Variants in CPZ observed in about 807,000 individuals in gnomAD.
CPZ encodes the protein VEZT/CPZ fusion.
Under a neutral mutation model 61.8 loss-of-function variants are expected in CPZ, and 103 were observed. That is an observed-to-expected ratio of 1.67 (90% CI 1.42 to 1.96). CPZ has a LOEUF of 1.96. Ranked by LOEUF, CPZ falls within the 30% of genes most tolerant of loss-of-function variation. The pLI, the probability that CPZ is intolerant of heterozygous loss-of-function variation, is 0.00. For synonymous variants in CPZ, 551 were observed against 373.7 expected, an observed-to-expected ratio of 1.47 and a Z score of -5.47; for missense variants, 1,461 against 914.9, an observed-to-expected ratio of 1.60 and a Z score of -7.70.
In CPZ at chr4:8,601,011, G is replaced by T; in HGVS notation, c.122-112G>T. ...CTGGTCCTCCCCTGCCAGACCGTGG[G>T]TGCCCCTCCCTGCAGGCCCTGGCCC... On this transcript the variant is annotated intron_variant, in intron 2 of 10. Transcript: ENST00000360986. The T allele has an allele frequency of 2.1e-6, 3 of 1,434,108 alleles. No individual in the cohort carries two copies. In the South Asian group the frequency reaches 4.7e-5, roughly 22 times the overall value. 88.8% of individuals were successfully genotyped at this position (1,434,108 alleles called of 1,614,324 possible).
Position 8,617,206 on chromosome 4 carries a change from G to A in CPZ, c.1504-1223G>A, listed in dbSNP as rs554911128. ...GCCGCGGTGGGATTAGAGTTCACAT[G>A]CTTGCTGAAATCATCGGTCCTGCAG... On this transcript the variant is annotated intron_variant, in intron 9 of 10. Coordinates refer to ENST00000360986, the MANE Select transcript of CPZ (RefSeq NM_001014447.3). Among the ~76,000 whole-genome samples, 28 of 152,352 alleles carry A rather than the reference G, an allele frequency of 1.8e-4. No homozygotes were observed. The East Asian group carries it at 5.2e-3, about 28-fold the overall frequency.
intron 7 of CPZ, among the ~76,000 whole-genome samples, chr4:8,609,109 TCCTCACTC>T (rs796194782): frequency 0.23 from 8,269 of 36,532 alleles, 838 homozygotes; most frequent in African/African-American, 0.41. Flanking sequence ...CTCACTCCCT[TCCTCACTC>T]CCTCACTCAT....
chr4:8,594,844 C>T (rs1277495765), intron 1 of CPZ, among the ~76,000 whole-genome samples: 1 of 151,460 alleles, frequency 6.6e-6, no homozygotes, highest in African/African-American at 2.4e-5. Context: ...GCAATCTCAG[C>T]TCACTGCGAG....
intron 9 of CPZ, among the ~76,000 whole-genome samples, chr4:8,617,049 C>A (rs534328486): frequency 1.3e-5 from 2 of 152,318 alleles, no homozygotes; most frequent in East Asian, 1.9e-4. Context: ...GTGCCCACTC[C>A]CCTCTTTCAG....
At chr4:8,607,501 C>G (rs1315522127) in intron 7 of CPZ, 76 bp downstream of exon 7, 5 of 1,523,012 alleles carry the variant, frequency 3.3e-6, no homozygotes, top group Non-Finnish European at 1.8e-6. Context: ...CCCCTCCAGT[C>G]CTGAGCTCAG....
In CPZ at chr4:8,604,172, C is replaced by T. The variant is rs760566271; in HGVS notation, c.693C>T (p.Pro231=). The T allele has an allele frequency of 1.1e-5, 17 of 1,560,772 alleles. No individual in the cohort carries two copies. In the East Asian group the frequency reaches 1.2e-4, roughly 11 times the overall value. Residue 231 remains proline, a synonymous_variant, in exon 4 of 11, where the codon CCC becomes CCT. Coordinates refer to ENST00000360986, the MANE Select transcript of CPZ (RefSeq NM_001014447.3). ...TGGTCATCGAGTTCTCCAGCCGCCCCGGCCAGCACGAGCTGAGTGAGTGCC... is the reference window on the plus strand; with the variant it reads ...TGGTCATCGAGTTCTCCAGCCGCCCTGGCCAGCACGAGCTGAGTGAGTGCC... ...ELLVIEFSSR[P]GQHELMEPEV...
chr4:8,615,318 C>G (rs1267649235), intron 9 of CPZ, among the ~76,000 whole-genome samples: 1 of 152,162 alleles, frequency 6.6e-6, no homozygotes, highest in East Asian at 1.9e-4. Flanking sequence ...ATGTCTGCTC[C>G]CCTTCCAGCA....
chr4:8,607,425 G>A lies in CPZ; in HGVS notation c.1227G>A (p.Lys409=), dbSNP rs200568136. The part of the protein sequence containing the change: ...EKMFSPTPDE[K]MFKLLSRAYA... ...TGTTTTCTCCCACGCCCGACGAGAA[G>A]GTGAGAGGGCTGTCGGGTGTGTGCA... The change falls in exon 7 of 11, where the codon AAG becomes AAA. Residue 409 remains lysine, a splice_region_variant and synonymous_variant. Coordinates refer to ENST00000360986, the MANE Select transcript of CPZ (RefSeq NM_001014447.3). 9.9e-6 allele frequency: 16 copies of A among 1,613,858 alleles called. No homozygotes were observed. The highest frequency in any genetic ancestry group is 3.4e-6 in the Non-Finnish European group (4 of 1,179,892).
At chr4:8,607,889 G>C (rs1212340361) in intron 7 of CPZ, among the ~76,000 whole-genome samples, 1 of 152,310 alleles carries the variant, frequency 6.6e-6, no homozygotes, top group Admixed American at 6.5e-5. Flanking sequence ...CTCCGGATGG[G>C]GAAGGAGTTC....
chr4:8,605,930 A>C, intron 4 of CPZ, 59 bp from the exon 5 acceptor site: 1 of 1,554,994 alleles, frequency 6.4e-7, no homozygotes, highest in East Asian at 2.3e-5. Context: ...GGGGGGCCTC[A>C]TGCCTTTGGG....
At chr4:8,598,004 C>A (rs1326939697) in intron 1 of CPZ, among the ~76,000 whole-genome samples, 1 of 152,188 alleles carries the variant, frequency 6.6e-6, no homozygotes, top group Non-Finnish European at 1.5e-5. Context: ...AGTCCATGTT[C>A]CCTGCCAGCT....
intron 9 of CPZ, among the ~76,000 whole-genome samples, chr4:8,615,957 C>T (rs577436090): frequency 9.3e-4 from 142 of 152,336 alleles, no homozygotes; most frequent in African/African-American, 2.6e-3. Flanking sequence ...CCACCTGTGG[C>T]GAGTCCCATT....
chr4:8,618,764 T>C (rs568756876), intron 10 of CPZ, among the ~76,000 whole-genome samples: 2 of 152,332 alleles, frequency 1.3e-5, no homozygotes, highest in African/African-American at 4.8e-5. Flanking sequence ...GGTGGATGCA[T>C]GCTCTGTATT....
chr4:8,593,560 G>C (rs1035371663), intron 1 of CPZ, among the ~76,000 whole-genome samples: 2 of 152,202 alleles, frequency 1.3e-5, no homozygotes, highest in Admixed American at 1.3e-4. Flanking sequence ...CTGGGCTCCC[G>C]TCTGGCCTCA....
Position 8,606,735 on chromosome 4 carries a change from A to G in CPZ, c.907-2A>G, listed in dbSNP as rs758119665. The G allele has an allele frequency of 1.4e-5, 23 of 1,614,000 alleles. No homozygotes were observed. The Admixed American group carries it at 3.0e-4, about 21-fold the overall frequency. ...CCAGTCGGGGGTTGGCCATGTTTTC[A>G]GGGTGCCGGCTACAACGGGTGGACG... On this transcript the variant is annotated splice_acceptor_variant, in intron 5 of 10. Transcript: ENST00000360986. LOFTEE classifies it high-confidence loss of function.
chr4:8,618,412 C>T lies in CPZ; in HGVS notation c.1504-17C>T. 1 of 1,613,668 alleles carries T rather than the reference C, an allele frequency of 6.2e-7. No individual in the cohort carries two copies. The highest frequency in any genetic ancestry group is 8.5e-7 in the Non-Finnish European group (1 of 1,179,642). On this transcript the variant is annotated splice_polypyrimidine_tract_variant and intron_variant, in intron 9 of 10. Transcript: ENST00000360986. Reference sequence around the variant, plus strand: ...AGAGCTCACGCCATCTCCCTGGCCTCCCCTTGGTCTCTTCAGGTGCACCGG... The same window carrying T: ...AGAGCTCACGCCATCTCCCTGGCCTTCCCTTGGTCTCTTCAGGTGCACCGG...
At position 8,614,468 on chromosome 4, in the gene CPZ, C is replaced by T. The variant is rs1430957278; in HGVS notation, c.1473C>T (p.Asn491=). 9 of 1,613,918 alleles carry T rather than the reference C, an allele frequency of 5.6e-6. No homozygotes were observed. The East Asian group carries it at 1.6e-4, about 28-fold the overall frequency. ...EEALYILWQH[N]KESLLNFVET... ...CCCTGTACATACTCTGGCAGCACAA[C>T]AAGGAGTCACTCCTGAATTTCGTGG... The change falls in exon 9 of 11, where the codon AAC becomes AAT. Residue 491 remains asparagine, a synonymous_variant. Coordinates refer to ENST00000360986, the MANE Select transcript of CPZ (RefSeq NM_001014447.3).
intron 3 of CPZ, chr4:8,602,810 G>C (rs1243048036): frequency 1.3e-5 from 2 of 152,368 alleles, no homozygotes; most frequent in African/African-American, 4.8e-5. Context: ...TCCGGGCTAT[G>C]TCAGGTGCTC....
intron 1 of CPZ, among the ~76,000 whole-genome samples, chr4:8,596,252 A>G (rs958290491): frequency 2.6e-5 from 4 of 152,116 alleles, no homozygotes; most frequent in African/African-American, 9.7e-5. Context: ...GGGTTTCACC[A>G]TGTTGGCCAG....
Sources: allele counts gnomAD v4.1 joint callset (sites outside exome capture counted in the v4.1 genomes callset), GRCh38; gene constraint gnomAD v4.1.1; transcripts MANE v1.5; gene names NCBI Gene and HGNC (gene_info 2026-07-23, HGNC 2026-07-21).